The following TFCP2L1 variants were observed in gnomAD, a reference collection of about 807,000 sequenced individuals.
The protein encoded by TFCP2L1 is transcription factor CP2-like protein 1.
A neutral mutation model predicts 72.2 loss-of-function variants in TFCP2L1; 12 were observed. The ratio of observed to expected loss-of-function variants is 0.17; its 90% CI spans 0.11 to 0.27. The LOEUF (loss-of-function observed/expected upper bound fraction) is 0.27. TFCP2L1 is among the 10% of genes least tolerant of loss of function. The probability of loss-of-function intolerance (pLI) is 1.00; values close to 1 mark genes in which losing one functional copy is unlikely to be tolerated. For missense variants in TFCP2L1, 488 were observed against 624.6 expected, an observed-to-expected ratio of 0.78 and a Z score of 2.33; for synonymous variants, 260 against 251.0, an observed-to-expected ratio of 1.04 and a Z score of -0.34.
At chr2:121,284,978 C>T (rs1324494075) in intron 1 of TFCP2L1, 70 bp downstream of exon 1, 12 of 1,369,262 alleles carry the variant, frequency 8.8e-6, no homozygotes, top group Middle Eastern at 2.5e-4. Context: ...CCTCTCCGCC[C>T]CTGGACGTCC....
At chr2:121,260,984 T>C (rs567967308) in intron 2 of TFCP2L1, among the ~76,000 whole-genome samples, 1 of 152,250 alleles carries the variant, frequency 6.6e-6, no homozygotes, top group Non-Finnish European at 1.5e-5. Flanking sequence ...GAGGGCTGGA[T>C]GCCAACTGTC....
At chr2:121,279,506 G>GC (rs1007661282) in intron 2 of TFCP2L1, among the ~76,000 whole-genome samples, 3 of 152,298 alleles carry the variant, frequency 2.0e-5, no homozygotes, top group African/African-American at 7.2e-5. Context: ...TGGGGATAAA[G>GC]CATCACCTTC....
chr2:121,241,918 G>A (rs1276751288), intron 7 of TFCP2L1, among the ~76,000 whole-genome samples: 1 of 152,032 alleles, frequency 6.6e-6, no homozygotes, highest in African/African-American at 2.4e-5. Context: ...TGGGGCAAAC[G>A]TGTCTACACT....
chr2:121,231,951 G>C lies in TFCP2L1; in HGVS notation c.1216C>G (p.Leu406Val). ...SNLSVYHAIF[L>V]EELTTLELIE... ...AGCTCCAAGGTGGTCAGCTCTTCCA[G>C]GAAGATGGCGTGGTACACTGGGGGA... Residue 406 changes from leucine (L) to valine (V), a missense_variant, in exon 13 of 15, where the codon CTG (leucine) becomes GTG (valine). Physicochemically the swap from Leu to Val is conservative, Grantham distance 32. Transcript: ENST00000263707. 6.2e-7 allele frequency: 1 copy of C among 1,605,306 alleles called. No individual in the cohort carries two copies. Among genetic ancestry groups the C allele is most frequent in the Non-Finnish European group, 8.5e-7 (1 of 1,174,238 alleles).
At chr2:121,235,785 T>C (rs985156556) in intron 10 of TFCP2L1, among the ~76,000 whole-genome samples, 1 of 151,750 alleles carries the variant, frequency 6.6e-6, no homozygotes, top group Non-Finnish European at 1.5e-5. Context: ...GCACTGGCCA[T>C]GTGTGCATCT....
At position 121,219,501 on chromosome 2, in the gene TFCP2L1, A is replaced by C. The variant is rs1227252943; in HGVS notation, c.*4840T>G. On this transcript the variant is annotated 3_prime_UTR_variant, in exon 15 of 15. Transcript: ENST00000263707. ...CAGTTAGGAGCTAGGGCTGATTCCC[A>C]AAGACACGATGGACACAATCTGACC... is the stretch of plus-strand genomic sequence containing the variant. The C allele has an allele frequency of 1.3e-5, 2 of 152,250 alleles. No individual in the cohort carries two copies. Among genetic ancestry groups the C allele is most frequent in the African/African-American group, 4.8e-5 (2 of 41,462 alleles). 9.4% of individuals were successfully genotyped at this position (152,250 alleles called of 1,614,324 possible). A position where few individuals can be genotyped will look rare whatever the true frequency, so the allele number is the denominator to read the frequency against.
intron 12 of TFCP2L1, among the ~76,000 whole-genome samples, chr2:121,232,878 C>T (rs768693312): frequency 3.3e-5 from 5 of 152,154 alleles, no homozygotes; most frequent in African/African-American, 7.2e-5. Flanking sequence ...CAAATGCCAC[C>T]GGCAACCCAG....
At chr2:121,242,227 A>G in intron 7 of TFCP2L1, 132 bp downstream of exon 7, 2 of 735,334 alleles carry the variant, frequency 2.7e-6, no homozygotes, top group Non-Finnish European at 4.7e-6. Context: ...AGACACTGGA[A>G]CCCACCACAA....
rs760274014 is a variant in TFCP2L1, at chr2:121,249,092, G to A, written c.292-5C>T. 5 of 1,559,216 alleles carry A rather than the reference G, an allele frequency of 3.2e-6. No individual in the cohort carries two copies. Among genetic ancestry groups the A allele is most frequent in the Non-Finnish European group, 4.3e-6 (5 of 1,150,800 alleles). ...GAAGACCACACGGATGATGCTCTGG[G>A]GAGGGAGGCCAGCAGGGAAACAAGT... On this transcript the variant is annotated splice_polypyrimidine_tract_variant and splice_region_variant and intron_variant, in intron 3 of 14. Transcript: ENST00000263707.
chr2:121,232,073 C>G, intron 12 of TFCP2L1, 105 bp from the exon 13 acceptor site: 1 of 1,306,864 alleles, frequency 7.7e-7, no homozygotes, highest in Non-Finnish European at 1.0e-6. Flanking sequence ...AAATGCCACA[C>G]CCAGGGCGGC....
intron 7 of TFCP2L1, chr2:121,240,487 G>A: frequency 1.0e-6 from 1 of 985,416 alleles, no homozygotes; most frequent in Non-Finnish European, 1.2e-6. Context: ...TAAGTATTGT[G>A]AGTGTGGGCT....
intron 2 of TFCP2L1, among the ~76,000 whole-genome samples, chr2:121,278,872 C>T (rs531603486): frequency 7.2e-5 from 11 of 151,734 alleles, no homozygotes; most frequent in Admixed American, 2.0e-4. Flanking sequence ...GGTGTGGTAG[C>T]ACACGCCTGA....
At position 121,237,844 on chromosome 2, in the gene TFCP2L1, G is replaced by A; in HGVS notation, c.867C>T (p.Ala289=). 6.2e-7 allele frequency: 1 copy of A among 1,614,108 alleles called. No individual in the cohort carries two copies. Among genetic ancestry groups the A allele is most frequent in the Admixed American group, 1.7e-5 (1 of 60,024 alleles). The part of the protein sequence containing the change: ...PNSFGLGEGN[A]SPTHPVEALP... ...GGGCCTCCACCGGGTGGGTCGGAGA[G>A]GCGTTGCTGCAAGGAAAAGGAACCA... Residue 289 remains alanine (A), a synonymous_variant, in exon 9 of 15, where the codon GCC becomes GCT. Transcript: ENST00000263707.
At chr2:121,282,002 G>A (rs572402626) in intron 1 of TFCP2L1, among the ~76,000 whole-genome samples, 21 of 151,950 alleles carry the variant, frequency 1.4e-4, no homozygotes, top group African/African-American at 4.3e-4. Flanking sequence ...GCGTGATCTC[G>A]GCTCACTACA....
chr2:121,243,649 G>A (rs1219170923), intron 6 of TFCP2L1, among the ~76,000 whole-genome samples: 1 of 152,062 alleles, frequency 6.6e-6, no homozygotes, highest in African/African-American at 2.4e-5. Flanking sequence ...AAAACCTTTT[G>A]TGAATTGCAC....
intron 6 of TFCP2L1, among the ~76,000 whole-genome samples, chr2:121,244,465 C>T (rs2104695566): frequency 6.6e-6 from 1 of 152,160 alleles, no homozygotes; most frequent in East Asian, 1.9e-4. Context: ...TTCTGAGGAG[C>T]CAGTTTTGGG....
intron 1 of TFCP2L1, among the ~76,000 whole-genome samples, chr2:121,282,759 T>C (rs930941966): frequency 3.9e-5 from 6 of 152,220 alleles, no homozygotes; most frequent in African/African-American, 1.4e-4. Context: ...ACCCCACTTG[T>C]CTGTATAAAC....
At position 121,285,178 on chromosome 2, in the gene TFCP2L1, A is replaced by AGCG; in HGVS notation, c.-72_-70dup. On this transcript the variant is annotated 5_prime_UTR_variant, in exon 1 of 15. Coordinates refer to ENST00000263707, the MANE Select transcript of TFCP2L1 (RefSeq NM_014553.3). ...CAGACGCGGGGCGCGCCGAGGACCC[A>AGCG]GCGGCGGCTTCGCGCTCCGAACCCG... 2 of 1,314,994 alleles carry AGCG rather than the reference A, an allele frequency of 1.5e-6. No homozygotes were observed. The highest frequency in any genetic ancestry group is 2.4e-4 in the Middle Eastern group (1 of 4,202). The allele number at this position is 1,314,994 out of a possible 1,614,324, so 81.5% of individuals were successfully genotyped here. A position where few individuals can be genotyped will look rare whatever the true frequency, so the allele number is the denominator to read the frequency against.
chr2:121,239,109 A>G (rs538104995), intron 8 of TFCP2L1, among the ~76,000 whole-genome samples: 1 of 152,248 alleles, frequency 6.6e-6, no homozygotes, highest in African/African-American at 2.4e-5. Flanking sequence ...TGGGACAGCA[A>G]TGAAGCCAGT....
Sources: allele counts gnomAD v4.1 joint callset (sites outside exome capture counted in the v4.1 genomes callset), GRCh38; gene constraint gnomAD v4.1.1; transcripts MANE v1.5; gene names NCBI Gene and HGNC (gene_info 2026-07-23, HGNC 2026-07-21).